The following STK24 variants were observed in gnomAD, a reference collection of about 807,000 sequenced individuals.
The protein encoded by STK24 is serine/threonine kinase 24.
In STK24, 21 loss-of-function variants were observed where a neutral mutation model predicts 55.6. The observed-to-expected ratio is 0.38, with a 90% CI of 0.27 to 0.54. The LOEUF is 0.54. Among genes scored for constraint, STK24 ranks in the 20% least tolerant of loss-of-function variants. The probability of loss-of-function intolerance (pLI) is 0.79; values close to 1 mark genes in which losing one functional copy is unlikely to be tolerated. For synonymous variants in STK24, 200 were observed against 215.2 expected (o/e 0.93, Z 0.62); for missense variants, 383 against 538.4 (o/e 0.71, Z 2.86).
chr13:98,543,019 G>A, intron 1 of STK24: 2 of 985,356 alleles, frequency 2.0e-6, no homozygotes, highest in Non-Finnish European at 1.2e-6. Flanking sequence ...GGACCTGGAA[G>A]GCCCAAAGAC....
At chr13:98,465,312 G>A (rs74668414) in intron 6 of STK24, among the ~76,000 whole-genome samples, 2,670 of 152,322 alleles carry the variant, frequency 0.018, 36 homozygotes, top group Middle Eastern at 0.048. Context: ...CAACTACCCC[G>A]GAGGTGCTCA....
intron 1 of STK24, among the ~76,000 whole-genome samples, chr13:98,545,578 G>A (rs946146683): frequency 1.3e-5 from 2 of 149,952 alleles, no homozygotes; most frequent in African/African-American, 4.9e-5. Flanking sequence ...AGCTTGCAGT[G>A]AGCCGAGATT....
chr13:98,486,951 A>C (rs1316972697), intron 2 of STK24, among the ~76,000 whole-genome samples: 3 of 152,232 alleles, frequency 2.0e-5, no homozygotes, highest in Non-Finnish European at 4.4e-5. Flanking sequence ...AAATGAGATC[A>C]TGAGTGGGAA....
intron 1 of STK24, among the ~76,000 whole-genome samples, chr13:98,528,762 C>G (rs1250842898): frequency 1.3e-5 from 2 of 152,202 alleles, no homozygotes; most frequent in Non-Finnish European, 2.9e-5. Flanking sequence ...ACAGTCAAAC[C>G]ACACTCAACT....
At chr13:98,550,308 G>A (rs917933403) in intron 1 of STK24, among the ~76,000 whole-genome samples, 7 of 152,208 alleles carry the variant, frequency 4.6e-5, no homozygotes, top group African/African-American at 1.4e-4. Flanking sequence ...GGAGGTCAAG[G>A]GGGGAAGATC....
chr13:98,467,979 A>G (rs1893985109), intron 5 of STK24, among the ~76,000 whole-genome samples: 1 of 152,248 alleles, frequency 6.6e-6, no homozygotes, highest in Admixed American at 6.5e-5. Context: ...CTCACTGTGC[A>G]CTGGAATCCA....
chr13:98,556,263 A>G (rs1317626242), intron 1 of STK24, among the ~76,000 whole-genome samples: 2 of 152,198 alleles, frequency 1.3e-5, no homozygotes, highest in Admixed American at 6.5e-5. Context: ...GACGCTCAGC[A>G]TTGCCTAAGA....
Position 98,448,263 on chromosome 13 carries a change from C to T in STK24, c.*4910G>A, listed in dbSNP as rs749982679. The T allele has an allele frequency of 6.2e-7, 1 of 1,614,064 alleles. No individual in the cohort carries two copies. Among genetic ancestry groups the T allele is most frequent in the Non-Finnish European group, 8.5e-7 (1 of 1,179,904 alleles). On this transcript the variant is annotated 3_prime_UTR_variant, in exon 11 of 11. Transcript: ENST00000539966. ...GGATGGAAGTGATCCGCAGTGCCAC[C>T]AGCTCTGCCTCGCGACCCCACGTGT...
chr13:98,532,976 T>C (rs1259570232), intron 1 of STK24, among the ~76,000 whole-genome samples: 1 of 152,228 alleles, frequency 6.6e-6, no homozygotes, highest in African/African-American at 2.4e-5. Flanking sequence ...AATAATCACA[T>C]CATCTAGAGG....
At chr13:98,556,619 C>T (rs1897295311) in intron 1 of STK24, among the ~76,000 whole-genome samples, 1 of 152,186 alleles carries the variant, frequency 6.6e-6, no homozygotes, top group African/African-American at 2.4e-5. Flanking sequence ...CCCTGGGCCA[C>T]ATCAAACCAG....
chr13:98,479,461 G>A (rs554777719), intron 3 of STK24, among the ~76,000 whole-genome samples: 2 of 152,288 alleles, frequency 1.3e-5, no homozygotes, highest in East Asian at 3.9e-4. Context: ...CTGGAGAGCG[G>A]AAAAGGTGGC....
intron 1 of STK24, among the ~76,000 whole-genome samples, chr13:98,555,510 C>T (rs1361634625): frequency 2.7e-5 from 4 of 150,808 alleles, no homozygotes; most frequent in Non-Finnish European, 3.0e-5. Context: ...ACCCGGGAGG[C>T]GGAGCTTGCA....
chr13:98,481,392 G>A lies in STK24; in HGVS notation c.330+873C>T, dbSNP rs573001974. On this transcript the variant is annotated intron_variant, in intron 3 of 10. Transcript: ENST00000539966. ...GGCCACAGAAGGCACTTGAGGGAGAGTTCAGAGGAGACATCTGGTGCGGGC... is the reference window on the plus strand; with the variant it reads ...GGCCACAGAAGGCACTTGAGGGAGAATTCAGAGGAGACATCTGGTGCGGGC... 1.3e-3 allele frequency among the ~76,000 whole-genome samples: 197 copies of A among 152,326 alleles called. 3 individuals are homozygous for A. In the South Asian group the frequency reaches 0.016, roughly 12 times the overall value.
intron 2 of STK24, among the ~76,000 whole-genome samples, chr13:98,502,592 T>C (rs756933276): frequency 1.2e-4 from 18 of 152,130 alleles, no homozygotes; most frequent in Non-Finnish European, 2.1e-4. Flanking sequence ...AGGAACAGGT[T>C]TGTTATCGTG....
intron 2 of STK24, among the ~76,000 whole-genome samples, chr13:98,501,185 C>T (rs907037707): frequency 1.1e-4 from 16 of 152,232 alleles, no homozygotes; most frequent in African/African-American, 3.9e-4. Flanking sequence ...GAACTGAAGT[C>T]GGGTTCGCTT....
At position 98,445,829 on chromosome 13, in the gene STK24, C is replaced by T. The variant is rs892660230; in HGVS notation, c.*7344G>A. The T allele has an allele frequency of 5.2e-6, 2 of 382,914 alleles. No homozygotes were observed. The highest frequency in any genetic ancestry group is 8.9e-5 in the Admixed American group (2 of 22,508). The allele number at this position is 382,914 out of a possible 1,614,324, so 23.7% of individuals were successfully genotyped here. A position where few individuals can be genotyped will look rare whatever the true frequency, so the allele number is the denominator to read the frequency against. On this transcript the variant is annotated 3_prime_UTR_variant, in exon 11 of 11. Transcript: ENST00000539966. ...GCCTATTTCCAAATAAGCCTGTGTT[C>T]TAAGGTACTGGTAGTCAGGACCTCA...
chr13:98,453,658 T>C (rs904420336), intron 10 of STK24: 1 of 154,896 alleles, frequency 6.5e-6, no homozygotes, highest in African/African-American at 2.4e-5. Context: ...CGAAATATGG[T>C]CCAAAGCAGG....
At chr13:98,477,206 C>G (rs766765921) in intron 3 of STK24, among the ~76,000 whole-genome samples, 2 of 152,220 alleles carry the variant, frequency 1.3e-5, no homozygotes, top group African/African-American at 4.8e-5. Flanking sequence ...TCAGCTTTCT[C>G]CACATCTATT....
intron 1 of STK24, among the ~76,000 whole-genome samples, chr13:98,569,413 C>CAAAAAAAAAAAAA (rs11316359): frequency 7.9e-6 from 1 of 127,132 alleles, no homozygotes. Context: ...ACAGCAGAGA[C>CAAAAAAAAAAAAA]AAAAAAAAAA....
Sources: gnomAD v4.1 joint callset for allele counts (sites outside exome capture counted in the v4.1 genomes callset) on GRCh38, gnomAD v4.1.1 for gene constraint, MANE v1.5 for transcripts, NCBI Gene and HGNC (gene_info 2026-07-23, HGNC 2026-07-21) for gene names.